Variants in ZFYVE16 observed in about 807,000 individuals in gnomAD.
ZFYVE16 encodes the protein zinc finger FYVE-type containing 16, also known as zinc finger FYVE domain-containing protein 16.
A neutral mutation model predicts 138.1 loss-of-function variants in ZFYVE16; 89 were observed. The observed-to-expected ratio is 0.64, with a 90% CI of 0.54 to 0.77. ZFYVE16 has a LOEUF of 0.77. ZFYVE16 is among the 30% of genes least tolerant of loss of function. The pLI is 0.00. For missense variants in ZFYVE16, 1,793 were observed against 1,786.7 expected (o/e 1.00, Z -0.06); for synonymous variants, 596 against 618.3 (o/e 0.96, Z 0.53).
At chr5:80,439,415 C>G (rs1750402630) in intron 4 of ZFYVE16, among the ~76,000 whole-genome samples, 1 of 152,078 alleles carries the variant, frequency 6.6e-6, no homozygotes, top group Admixed American at 6.6e-5. Context: ...CACTCCAGAG[C>G]AAATTGGCTT....
upstream of ZFYVE16, among the ~76,000 whole-genome samples, chr5:80,407,803 C>G (rs1260980522): frequency 6.6e-6 from 1 of 152,172 alleles, no homozygotes; most frequent in East Asian, 1.9e-4. Flanking sequence ...ATCCCGCAGT[C>G]GAGTGGAGAA....
intron 15 of ZFYVE16, among the ~76,000 whole-genome samples, chr5:80,465,411 T>TTTTTG: frequency 1.7e-5 from 2 of 116,004 alleles, no homozygotes; most frequent in African/African-American, 6.0e-5. Flanking sequence ...TTTTTTTTTT[T>TTTTTG]TTTTTTTTTT....
chr5:80,427,873 G>C (rs2112279133), intron 2 of ZFYVE16, among the ~76,000 whole-genome samples: 1 of 145,548 alleles, frequency 6.9e-6, no homozygotes, highest in Admixed American at 7.3e-5. Flanking sequence ...TCAGGAGGCT[G>C]AGGCAGGAGA....
rs780244070 is a variant in ZFYVE16, at chr5:80,438,207, A to G, written c.1522A>G (p.Met508Val). Residue 508 changes from methionine (M) to valine (V), a missense_variant, in exon 4 of 19, where the codon ATG becomes GTG. By Grantham distance (21) the Met-to-Val change is conservative (BLOSUM62 1). Transcript: ENST00000505560. The stretch of plus-strand genomic sequence containing the variant: ...TATTAATACTTTTTCAAGCAATGAT[A>G]TGGATGGGCAAGACTTAGATTACTT... ...GFINTFSSNDMDGQDLDYFNI... is the reference protein window; with the variant it reads ...GFINTFSSNDVDGQDLDYFNI... 5 of 1,614,020 alleles carry G rather than the reference A, an allele frequency of 3.1e-6. 1 individual carries two copies. In the Admixed American group the frequency reaches 8.3e-5, roughly 27 times the overall value.
intron 1 of ZFYVE16, among the ~76,000 whole-genome samples, chr5:80,420,507 C>T (rs1446306289): frequency 6.6e-6 from 1 of 152,098 alleles, no homozygotes; most frequent in East Asian, 1.9e-4. Flanking sequence ...CAAGTGTTCT[C>T]ATTGTTCAAT....
chr5:80,459,546 C>T (rs1220915590), intron 15 of ZFYVE16, 52 bp downstream of exon 15: 1 of 1,466,568 alleles, frequency 6.8e-7, no homozygotes. Context: ...TTTTCCTAAC[C>T]TTTGAAAAAT....
chr5:80,426,123 C>T (rs1580141392), intron 1 of ZFYVE16, among the ~76,000 whole-genome samples: 1 of 151,482 alleles, frequency 6.6e-6, no homozygotes, highest in South Asian at 2.1e-4. Flanking sequence ...ATATACCATG[C>T]TCATGAATTG....
At position 80,426,539 on chromosome 5, in the gene ZFYVE16, A is replaced by T. The variant is rs570389233; in HGVS notation, c.-93-953A>T. ...TCACCTCCCACTTATTTTAAGTGAG[A>T]ACATGAGGTGTTTGGTTTTCTGTTC... On this transcript the variant is annotated intron_variant, in intron 1 of 18. Transcript: ENST00000505560. 2.6e-5 allele frequency among the ~76,000 whole-genome samples: 4 copies of T among 151,218 alleles called. No homozygotes were observed. The South Asian group carries it at 8.4e-4, about 32-fold the overall frequency.
chr5:80,461,550 C>G (rs765092489), intron 15 of ZFYVE16, among the ~76,000 whole-genome samples: 29 of 152,318 alleles, frequency 1.9e-4, no homozygotes, highest in Admixed American at 3.9e-4. Flanking sequence ...TCTCACAATT[C>G]TAGAGGCTAG....
chr5:80,434,052 T>C (rs1416280762), intron 2 of ZFYVE16, 57 bp from the exon 3 acceptor site: 8 of 1,153,940 alleles, frequency 6.9e-6, no homozygotes, highest in Non-Finnish European at 8.8e-6. Flanking sequence ...ATGGAATACA[T>C]GGCATAAAAT....
At chr5:80,413,747 T>C (rs1745808581) in intron 1 of ZFYVE16, among the ~76,000 whole-genome samples, 1 of 152,234 alleles carries the variant, frequency 6.6e-6, no homozygotes, top group African/African-American at 2.4e-5. Context: ...CGAACCTTAA[T>C]TGAGAAAGGC....
chr5:80,459,403 T>A lies in ZFYVE16; in HGVS notation c.3944-11T>A. ...AGTTTAAAACAAATAATTGTTGTAT[T>A]TCTTGATCAGTGACAGGTGCAAGTT... On this transcript the variant is annotated splice_polypyrimidine_tract_variant and intron_variant, in intron 14 of 18. Coordinates refer to ENST00000505560, the MANE Select transcript of ZFYVE16 (RefSeq NM_001284236.3). The A allele has an allele frequency of 6.2e-7, 1 of 1,608,574 alleles. No homozygotes were observed. Among genetic ancestry groups the A allele is most frequent in the East Asian group, 2.2e-5 (1 of 44,730 alleles).
chr5:80,413,711 A>G (rs1745799630), intron 1 of ZFYVE16, among the ~76,000 whole-genome samples: 1 of 152,212 alleles, frequency 6.6e-6, no homozygotes, highest in African/African-American at 2.4e-5. Flanking sequence ...TGGAAGCCTT[A>G]GGGCATTAAA....
intron 7 of ZFYVE16, among the ~76,000 whole-genome samples, 170 bp downstream of exon 7, chr5:80,445,575 AAGAG>A (rs766382245): frequency 1.3e-5 from 2 of 151,878 alleles, no homozygotes; most frequent in African/African-American, 2.4e-5. Flanking sequence ...CTTTAAAAAA[AAGAG>A]AGAGACAGTC....
At chr5:80,471,020 C>T (rs991838475) in intron 15 of ZFYVE16, among the ~76,000 whole-genome samples, 1 of 152,102 alleles carries the variant, frequency 6.6e-6, no homozygotes, top group African/African-American at 2.4e-5. Flanking sequence ...TATGAATGGA[C>T]GTGCAGTCAG....
In ZFYVE16 at chr5:80,456,556, G is replaced by C. The variant is rs142821837; in HGVS notation, c.3786G>C (p.Lys1262Asn). 5.0e-6 allele frequency: 8 copies of C among 1,606,834 alleles called. No individual in the cohort carries two copies. Among genetic ancestry groups the C allele is most frequent in the Non-Finnish European group, 6.8e-6 (8 of 1,174,188 alleles). The change falls in exon 13 of 19, where the codon AAG becomes AAC. Residue 1262 changes from lysine to asparagine, a missense_variant. Around this residue, in one of 2 missense-constraint regions of ZFYVE16, gnomAD observed 498 missense variants for 582.4 expected, o/e 0.86. Coordinates refer to ENST00000505560, the MANE Select transcript of ZFYVE16 (RefSeq NM_001284236.3). Reference protein sequence around the residue: ...GKSCIKIPRKKYSDVMKVLNS... With the variant: ...GKSCIKIPRKNYSDVMKVLNS... ...GCTGCATAAAAATACCACGGAAAAA[G>C]TACAGTGATGTAAGTATAATTGTTT...
intron 1 of ZFYVE16, among the ~76,000 whole-genome samples, chr5:80,423,921 T>C (rs1457079662): frequency 6.7e-6 from 1 of 149,500 alleles, no homozygotes; most frequent in Non-Finnish European, 1.5e-5. Context: ...TGGATGCTTA[T>C]TGATTTTAGA....
intron 11 of ZFYVE16, chr5:80,454,970 CATA>C (rs1403903368): frequency 6.6e-6 from 1 of 152,180 alleles, no homozygotes; most frequent in Non-Finnish European, 1.5e-5. Context: ...AACCAATTAT[CATA>C]ATTTTCCACC....
chr5:80,473,089 A>G (rs1156712514), intron 16 of ZFYVE16, among the ~76,000 whole-genome samples, 166 bp downstream of exon 16: 1 of 152,194 alleles, frequency 6.6e-6, no homozygotes, highest in Non-Finnish European at 1.5e-5. Context: ...ACATGTGCCT[A>G]ACTAGCCTCA....
Sources: allele counts gnomAD v4.1 joint callset (sites outside exome capture counted in the v4.1 genomes callset), GRCh38; gene constraint gnomAD v4.1.1; regional missense constraint gnomAD v4.1.1; transcripts MANE v1.5; gene names NCBI Gene and HGNC (gene_info 2026-07-23, HGNC 2026-07-21).